The following FOXJ3 variants were observed in gnomAD, a reference collection of about 807,000 sequenced individuals.
FOXJ3 encodes the protein forkhead box protein J3.
A neutral mutation model predicts 76.1 loss-of-function variants in FOXJ3; 22 were observed. The observed-to-expected ratio is 0.29, with a 90% CI of 0.21 to 0.41. The LOEUF (loss-of-function observed/expected upper bound fraction) is 0.41, where lower values mean the gene tolerates loss of function less well. Ranked by LOEUF, FOXJ3 falls within the 10% of genes least tolerant of loss-of-function variation. FOXJ3 has a pLI of 1.00. For missense variants in FOXJ3, 613 were observed against 762.1 expected (o/e 0.80, Z 2.30); for synonymous variants, 269 against 261.2 (o/e 1.03, Z -0.29).
intron 1 of FOXJ3, among the ~76,000 whole-genome samples, chr1:42,318,409 T>A (rs1453869461): frequency 6.6e-6 from 1 of 152,194 alleles, no homozygotes; most frequent in Non-Finnish European, 1.5e-5. Context: ...TGGAGTGATC[T>A]TGGCTCACTG....
At chr1:42,291,059 T>TAGAC (rs1653387736) in intron 2 of FOXJ3, among the ~76,000 whole-genome samples, 3 of 140,902 alleles carry the variant, frequency 2.1e-5, no homozygotes, top group Admixed American at 7.3e-5. Flanking sequence ...GATAGATAGA[T>TAGAC]AGATAGATAG....
intron 2 of FOXJ3, among the ~76,000 whole-genome samples, chr1:42,292,342 T>C (rs2124708130): frequency 6.6e-6 from 1 of 152,306 alleles, no homozygotes; most frequent in East Asian, 1.9e-4. Context: ...GGCAGTTTCT[T>C]AAACATACAC....
chr1:42,212,043 C>T (rs1309735940), intron 5 of FOXJ3, among the ~76,000 whole-genome samples: 2 of 152,174 alleles, frequency 1.3e-5, no homozygotes, highest in African/African-American at 4.8e-5. Flanking sequence ...CATTTGAGGT[C>T]AGGAGTTCGA....
In FOXJ3 at chr1:42,335,221, G is replaced by C. The variant is rs931575834; in HGVS notation, c.-180C>G. 1 of 152,132 alleles carries C rather than the reference G, an allele frequency of 6.6e-6. No individual in the cohort carries two copies. Among genetic ancestry groups the C allele is most frequent in the African/African-American group, 2.4e-5 (1 of 41,432 alleles). 9.4% of individuals were successfully genotyped at this position (152,132 alleles called of 1,614,324 possible). A position where few individuals can be genotyped will look rare whatever the true frequency, so the allele number is the denominator to read the frequency against. On this transcript the variant is annotated 5_prime_UTR_variant, in exon 1 of 13. Coordinates refer to ENST00000361346, the MANE Select transcript of FOXJ3 (RefSeq NM_014947.5). Reference sequence around the variant, plus strand: ...AAGAGCAGCCAACATCCGGGGCCGCGCACCCGGAACTACTTCCCGACCCGC... The same window carrying C: ...AAGAGCAGCCAACATCCGGGGCCGCCCACCCGGAACTACTTCCCGACCCGC...
At chr1:42,236,203 T>C (rs1345291908) in intron 4 of FOXJ3, among the ~76,000 whole-genome samples, 1 of 152,126 alleles carries the variant, frequency 6.6e-6, no homozygotes, top group Non-Finnish European at 1.5e-5. Context: ...AAGGAAAGGG[T>C]GTTGAGGCAA....
chr1:42,260,409 A>G (rs1467944686), intron 4 of FOXJ3, among the ~76,000 whole-genome samples: 1 of 152,200 alleles, frequency 6.6e-6, no homozygotes, highest in Non-Finnish European at 1.5e-5. Context: ...ATAGAAAAAA[A>G]TTCATAATTT....
intron 4 of FOXJ3, among the ~76,000 whole-genome samples, chr1:42,236,465 G>C (rs892571480): frequency 1.3e-5 from 2 of 152,126 alleles, no homozygotes; most frequent in Non-Finnish European, 2.9e-5. Flanking sequence ...CAAGCACTAG[G>C]ATTACAGGCA....
In FOXJ3 at chr1:42,236,144, T is replaced by C. The variant is rs539830055; in HGVS notation, c.445-8178A>G. On this transcript the variant is annotated intron_variant, in intron 4 of 12. Coordinates refer to ENST00000361346, the MANE Select transcript of FOXJ3 (RefSeq NM_014947.5). Reference sequence around the variant, plus strand: ...CACCACTAGACTCATGTGGAGCAAGTAGGAAACAGGAGGTTTTTGTTTAAG... The same window carrying C: ...CACCACTAGACTCATGTGGAGCAAGCAGGAAACAGGAGGTTTTTGTTTAAG... 1.2e-4 allele frequency among the ~76,000 whole-genome samples: 19 copies of C among 152,334 alleles called. No individual in the cohort carries two copies. The East Asian group carries it at 1.4e-3, about 11-fold the overall frequency.
intron 8 of FOXJ3, among the ~76,000 whole-genome samples, chr1:42,194,528 G>A (rs1185099542): frequency 6.6e-6 from 1 of 152,176 alleles, no homozygotes; most frequent in Non-Finnish European, 1.5e-5. Flanking sequence ...ACAAAAGCAA[G>A]GCACATCTAT....
At chr1:42,274,673 G>A (rs1472880315) in intron 3 of FOXJ3, among the ~76,000 whole-genome samples, 1 of 152,072 alleles carries the variant, frequency 6.6e-6, no homozygotes, top group African/African-American at 2.4e-5. Flanking sequence ...ATAGTGCCTG[G>A]CAGACAGAAA....
chr1:42,237,018 G>C (rs943946310), intron 4 of FOXJ3, among the ~76,000 whole-genome samples: 1 of 151,910 alleles, frequency 6.6e-6, no homozygotes, highest in Non-Finnish European at 1.5e-5. Context: ...GGCTATTTCT[G>C]TTATTAGACT....
chr1:42,200,581 C>T (rs1040734745), intron 6 of FOXJ3, among the ~76,000 whole-genome samples: 1 of 152,072 alleles, frequency 6.6e-6, no homozygotes, highest in South Asian at 2.1e-4. Flanking sequence ...TGGGTTCAAG[C>T]GATTCTCCTG....
intron 6 of FOXJ3, among the ~76,000 whole-genome samples, chr1:42,199,533 T>C (rs1646717529): frequency 6.6e-6 from 1 of 152,162 alleles, no homozygotes; most frequent in Non-Finnish European, 1.5e-5. Flanking sequence ...ATTTTTACTT[T>C]ATTAAATATT....
intron 3 of FOXJ3, among the ~76,000 whole-genome samples, chr1:42,274,688 T>C (rs1035791053): frequency 6.6e-6 from 1 of 152,004 alleles, no homozygotes; most frequent in East Asian, 1.9e-4. Flanking sequence ...CAGAAAATAA[T>C]AAAAGCAGCT....
At chr1:42,189,430 T>C in intron 9 of FOXJ3, 26 bp from the exon 10 acceptor site, 1 of 1,501,998 alleles carries the variant, frequency 6.7e-7, no homozygotes, top group Non-Finnish European at 9.3e-7. Context: ...AACAGTGTAA[T>C]TCCTGGATGG....
At chr1:42,319,057 C>G (rs1452416509) in intron 1 of FOXJ3, among the ~76,000 whole-genome samples, 2 of 152,090 alleles carry the variant, frequency 1.3e-5, no homozygotes, top group Non-Finnish European at 2.9e-5. Flanking sequence ...ATGGCAAGAT[C>G]CCATCTCTAA....
At position 42,179,047 on chromosome 1, in the gene FOXJ3, T is replaced by A. The variant is rs1003815016; in HGVS notation, c.*663A>T. 1 of 152,532 alleles carries A rather than the reference T, an allele frequency of 6.6e-6. No homozygotes were observed. Among genetic ancestry groups the A allele is most frequent in the Non-Finnish European group, 1.5e-5 (1 of 68,014 alleles). The allele number at this position is 152,532 out of a possible 1,614,324, so 9.4% of individuals were successfully genotyped here. On this transcript the variant is annotated 3_prime_UTR_variant, in exon 13 of 13. Coordinates refer to ENST00000361346, the MANE Select transcript of FOXJ3 (RefSeq NM_014947.5). ...TAAATACTCTATGATCCCCCAAGCATCAAAACCAATTTGGTCAGTTCTTCA... is the reference window on the plus strand; with the variant it reads ...TAAATACTCTATGATCCCCCAAGCAACAAAACCAATTTGGTCAGTTCTTCA...
intron 4 of FOXJ3, among the ~76,000 whole-genome samples, chr1:42,237,395 T>C (rs544729383): frequency 5.0e-5 from 3 of 59,992 alleles, no homozygotes; most frequent in African/African-American, 5.5e-5. Flanking sequence ...TATATATACA[T>C]ACATACATAC....
In FOXJ3 at chr1:42,257,689, G is replaced by C. The variant is rs569600065; in HGVS notation, c.444+7426C>G. Among the ~76,000 whole-genome samples, 9 of 147,964 alleles carry C rather than the reference G, an allele frequency of 6.1e-5. No homozygotes were observed. The South Asian group carries it at 1.9e-3, about 31-fold the overall frequency. On this transcript the variant is annotated intron_variant, in intron 4 of 12. Transcript: ENST00000361346. ...GGGAGGCAGAGGTGCAGTGAAACAA[G>C]ATCATGCCACTGCACTCCAGCCTGG... is the stretch of plus-strand genomic sequence containing the variant.
Sources: allele counts gnomAD v4.1 joint callset (sites outside exome capture counted in the v4.1 genomes callset), GRCh38; gene constraint gnomAD v4.1.1; transcripts MANE v1.5; gene names NCBI Gene and HGNC (gene_info 2026-07-23, HGNC 2026-07-21).